The following ZNF717 variants were observed in gnomAD, a reference collection of about 807,000 sequenced individuals.
The protein encoded by ZNF717 is krueppel-like factor X17.
A neutral mutation model predicts 13.8 loss-of-function variants in ZNF717; 9 were observed. The observed-to-expected ratio is 0.65, with a 90% CI of 0.39 to 1.14. The LOEUF is 1.14. Ranked by LOEUF, ZNF717 falls within the 50% of genes most tolerant of loss-of-function variation. ZNF717 has a pLI of 0.01. For missense variants in ZNF717, 1,040 were observed against 1,080.7 expected (o/e 0.96, Z 0.53); for synonymous variants, 327 against 364.1 (o/e 0.90, Z 1.16).
At chr3:75,778,439 C>T (rs1184620478) in intron 2 of ZNF717, among the ~76,000 whole-genome samples, 5 of 151,528 alleles carry the variant, frequency 3.3e-5, no homozygotes, top group African/African-American at 4.9e-5. Flanking sequence ...GAACCCAAAA[C>T]AATGGGAGTG....
rs1575785439 is a variant in ZNF717, at chr3:75,741,750, A to G, written c.58-14T>C. 6 of 1,559,202 alleles carry G rather than the reference A, an allele frequency of 3.8e-6. No homozygotes were observed. The highest frequency in any genetic ancestry group is 5.2e-6 in the Non-Finnish European group (6 of 1,154,814). On this transcript the variant is annotated splice_polypyrimidine_tract_variant and intron_variant, in intron 2 of 4. Transcript: ENST00000652011. ...GGACACCAACTCCTGTAATGATACC[A>G]GGCTGTTGTAGGTCTCCAGCATCAC... is the stretch of plus-strand genomic sequence containing the variant.
downstream of ZNF717, among the ~76,000 whole-genome samples, chr3:75,726,826 C>A (rs1263096531): frequency 3.9e-5 from 6 of 152,230 alleles, no homozygotes; most frequent in Non-Finnish European, 1.5e-5. Context: ...CTCCAGAATA[C>A]CCCCACAGAC....
At chr3:75,771,767 A>T (rs1323202178) in intron 2 of ZNF717, among the ~76,000 whole-genome samples, 1 of 152,256 alleles carries the variant, frequency 6.6e-6, no homozygotes, top group Non-Finnish European at 1.5e-5. Flanking sequence ...TCCCAGGCAC[A>T]GCTGCAGCCA....
chr3:75,768,888 T>G (rs1216715473), intron 2 of ZNF717, among the ~76,000 whole-genome samples: 1 of 151,770 alleles, frequency 6.6e-6, no homozygotes, highest in African/African-American at 2.4e-5. Context: ...TGTGGCTGAG[T>G]GTGTGGGTGA....
At chr3:75,755,001 A>G (rs1374362101) in intron 2 of ZNF717, among the ~76,000 whole-genome samples, 2 of 152,356 alleles carry the variant, frequency 1.3e-5, no homozygotes, top group African/African-American at 2.4e-5. Flanking sequence ...TGAATTCAAC[A>G]TTGCAGAAAC....
chr3:75,754,424 A>AT (rs373076715), intron 2 of ZNF717, among the ~76,000 whole-genome samples: 12 of 146,650 alleles, frequency 8.2e-5, no homozygotes, highest in East Asian at 4.1e-4. Context: ...TGATTTTGGA[A>AT]TTTTTTTTTT....
intron 2 of ZNF717, among the ~76,000 whole-genome samples, chr3:75,764,045 C>A (rs1379342126): frequency 1.3e-5 from 2 of 152,276 alleles, no homozygotes; most frequent in African/African-American, 4.8e-5. Context: ...AAGGAGCCAA[C>A]CCTGCCCCTG....
downstream of ZNF717, among the ~76,000 whole-genome samples, chr3:75,735,437 G>C (rs759700442): frequency 2.4e-4 from 25 of 105,702 alleles, no homozygotes; most frequent in African/African-American, 9.0e-4. Flanking sequence ...ACTATCCTGA[G>C]CAATACAGTG....
chr3:75,755,714 A>C (rs769300353), intron 2 of ZNF717, among the ~76,000 whole-genome samples: 1 of 152,202 alleles, frequency 6.6e-6, no homozygotes, highest in Non-Finnish European at 1.5e-5. Flanking sequence ...ACTAGTTAAA[A>C]AAAGTTTTAA....
chr3:75,745,734 G>A (rs1233558061), intron 2 of ZNF717, among the ~76,000 whole-genome samples: 6 of 151,158 alleles, frequency 4.0e-5, no homozygotes, highest in Non-Finnish European at 5.9e-5. Context: ...TTCTGCACCT[G>A]GCTTATTTCA....
At chr3:75,783,723 G>A (rs1255902503) in intron 1 of ZNF717, among the ~76,000 whole-genome samples, 4 of 152,234 alleles carry the variant, frequency 2.6e-5, no homozygotes, top group Non-Finnish European at 2.9e-5. Context: ...ATACTGGGCT[G>A]TATTAACTAT....
At chr3:75,750,993 G>GTACA (rs1941733785) in intron 2 of ZNF717, among the ~76,000 whole-genome samples, 16 of 151,454 alleles carry the variant, frequency 1.1e-4, no homozygotes, top group Non-Finnish European at 2.1e-4. Context: ...CCTCACACAG[G>GTACA]ATTCCAGAAC....
In ZNF717 at chr3:75,738,827, T is replaced by C. The variant is rs1173173040; in HGVS notation, c.796A>G (p.Arg266Gly). The change falls in exon 5 of 5, where the codon AGA becomes GGA. Residue 266 changes from arginine to glycine, a missense_variant. Transcript: ENST00000652011. ...TGATGTTTAGTGAAGTCAGACTTTC[T>C]ACAGCAAGTTGGCTGTCCTACCTGA... ...ITQVGQPTCC[R>G]KSDFTKHQQT... 2 of 1,551,796 alleles carry C rather than the reference T, an allele frequency of 1.3e-6. No homozygotes were observed. The highest frequency in any genetic ancestry group is 1.7e-6 in the Non-Finnish European group (2 of 1,147,242).
rs1426463354 is a variant in ZNF717 at position 75,736,721 on chromosome 3, G to C, written c.*157C>G. 4.1e-6 allele frequency: 3 copies of C among 734,372 alleles called. No individual in the cohort carries two copies. The highest frequency in any genetic ancestry group is 2.5e-5 in the South Asian group (1 of 40,570). The allele number at this position is 734,372 out of a possible 1,614,324, so 45.5% of individuals were successfully genotyped here. A position where few individuals can be genotyped will look rare whatever the true frequency, so the allele number is the denominator to read the frequency against. ...AGTGCAAAGTGTGCTGTAAAAATGG[G>C]AACAACAAAGCCTGCATGATAGGAC... On this transcript the variant is annotated 3_prime_UTR_variant, in exon 5 of 5. Transcript: ENST00000652011.
Position 75,738,214 on chromosome 3 carries a change from T to A in ZNF717, c.1409A>T (p.Gln470Leu). The change falls in exon 5 of 5, where the codon CAG (glutamine) becomes CTG (leucine). Residue 470 changes from glutamine to leucine, a missense_variant. Gln to Leu is a moderately radical substitution (Grantham distance 113, BLOSUM62 -2). Around this residue, in one of 3 missense-constraint regions of ZNF717, gnomAD observed 873 missense variants for 832.8 expected, o/e 1.05. Coordinates refer to ENST00000652011, the MANE Select transcript of ZNF717 (RefSeq NM_001290208.3). ...GGGTTTTTCCCCTGTGTGAGTTCTC[T>A]GATGTAACCTGAGGTTTGACTTATT... The part of the protein sequence containing the change: ...FINKSNLRLH[Q>L]RTHTGEKPYE... 6.4e-7 allele frequency: 1 copy of A among 1,552,116 alleles called. No individual in the cohort carries two copies. Among genetic ancestry groups the A allele is most frequent in the Non-Finnish European group, 8.7e-7 (1 of 1,143,714 alleles).
chr3:75,777,377 G>C (rs1944406226), intron 2 of ZNF717, among the ~76,000 whole-genome samples: 1 of 144,310 alleles, frequency 6.9e-6, no homozygotes, highest in African/African-American at 2.6e-5. Flanking sequence ...GCTAAAACCA[G>C]AAACAAAAAA....
chr3:75,725,461 G>A (rs1192927018), downstream of ZNF717, among the ~76,000 whole-genome samples: 11 of 152,346 alleles, frequency 7.2e-5, no homozygotes, highest in Admixed American at 6.5e-4. Flanking sequence ...GAATAAAAAA[G>A]ATTATGTAGC....
exon 6 of ZNF717, chr3:75,711,296 C>T (rs76995771): frequency 2.9e-5 from 4 of 137,828 alleles, no homozygotes; most frequent in South Asian, 2.4e-4. Flanking sequence ...AGGTAGCTTA[C>T]GAGATAAAGT....
intron 5 of ZNF717, among the ~76,000 whole-genome samples, chr3:75,713,613 C>G (rs1355075544): frequency 1.3e-5 from 2 of 151,960 alleles, no homozygotes; most frequent in Admixed American, 1.3e-4. Flanking sequence ...ATAACATATC[C>G]ACATAAATAT....
Sources: allele counts gnomAD v4.1 joint callset (sites outside exome capture counted in the v4.1 genomes callset), GRCh38; gene constraint gnomAD v4.1.1; regional missense constraint gnomAD v4.1.1; transcripts MANE v1.5; gene names NCBI Gene and HGNC (gene_info 2026-07-23, HGNC 2026-07-21).